RNF214: variants seen among roughly 807,000 people sequenced by gnomAD.
RNF214 encodes the protein ring finger protein 214.
RNF214 carries 25 observed loss-of-function variants against 75.9 expected under a neutral mutation model. The ratio of observed to expected loss-of-function variants is 0.33; its 90% CI spans 0.24 to 0.46. The LOEUF (loss-of-function observed/expected upper bound fraction) is 0.46. Ranked by LOEUF, RNF214 falls within the 20% of genes least tolerant of loss-of-function variation. The pLI is 1.00. For synonymous variants in RNF214, 314 were observed against 308.8 expected (o/e 1.02, Z -0.18); for missense variants, 725 against 857.5 (o/e 0.85, Z 1.93).
intron 6 of RNF214, among the ~76,000 whole-genome samples, chr11:117,248,289 G>A (rs1208679146): frequency 2.6e-5 from 4 of 152,142 alleles, no homozygotes; most frequent in Admixed American, 2.6e-4. Context: ...TGTTAGCCAG[G>A]ATGGTCTCGA....
In RNF214 at chr11:117,283,132, G is replaced by A. The variant is rs1246745999; in HGVS notation, c.1968G>A (p.Lys656=). ...GRSSHAPATC[K]LCLMCQKLVQ... ...TTCTACAGGCTCCAGCCACCTGTAA[G>A]CTATGTCTAATGTGCCAGAAACTCG... The change falls in exon 14 of 15, where the codon AAG becomes AAA. Residue 656 remains lysine (K), a synonymous_variant. Coordinates refer to ENST00000300650, the MANE Select transcript of RNF214 (RefSeq NM_207343.4). 6.2e-7 allele frequency: 1 copy of A among 1,614,018 alleles called. No homozygotes were observed. The highest frequency in any genetic ancestry group is 2.2e-5 in the East Asian group (1 of 44,882).
intron 6 of RNF214, among the ~76,000 whole-genome samples, chr11:117,262,200 C>T (rs981225977): frequency 2.0e-5 from 3 of 151,984 alleles, no homozygotes; most frequent in Admixed American, 6.6e-5. Context: ...CATTCTCCTG[C>T]CTCAGCCTCC....
In RNF214 at chr11:117,280,244, A is replaced by G; in HGVS notation, c.1130A>G (p.His377Arg). Reference sequence around the variant, plus strand: ...GAAGCAGAAAAAGAGGCAGAATTGCACCTTACTTACCTCAAGTAAGTACCT... The same window carrying G: ...GAAGCAGAAAAAGAGGCAGAATTGCGCCTTACTTACCTCAAGTAAGTACCT... ...LEEAEKEAEL[H>R]LTYLKSTPPT... Residue 377 changes from histidine to arginine, a missense_variant, in exon 8 of 15, where the codon CAC (histidine) becomes CGC (arginine). By Grantham distance (29) the His-to-Arg change is conservative (BLOSUM62 0). Transcript: ENST00000300650. 6.2e-7 allele frequency: 1 copy of G among 1,605,192 alleles called. No individual in the cohort carries two copies. Among genetic ancestry groups the G allele is most frequent in the Non-Finnish European group, 8.5e-7 (1 of 1,171,926 alleles).
At chr11:117,271,834 G>C (rs1456821248) in intron 6 of RNF214, among the ~76,000 whole-genome samples, 1 of 152,056 alleles carries the variant, frequency 6.6e-6, no homozygotes, top group African/African-American at 2.4e-5. Context: ...GTTGTATTTT[G>C]TTTTGAGACA....
intron 6 of RNF214, among the ~76,000 whole-genome samples, chr11:117,274,128 C>T (rs1454141633): frequency 6.6e-6 from 1 of 152,084 alleles, no homozygotes; most frequent in Non-Finnish European, 1.5e-5. Context: ...TTTCTCCCCC[C>T]TCTTCTTCCC....
intron 5 of RNF214, among the ~76,000 whole-genome samples, chr11:117,246,441 A>T (rs1396850539): frequency 6.6e-6 from 1 of 152,212 alleles, no homozygotes; most frequent in Non-Finnish European, 1.5e-5. Flanking sequence ...TATTTGTTGG[A>T]TGTAACAGAC....
chr11:117,282,924 G>T, intron 13 of RNF214, 74 bp downstream of exon 13: 4 of 1,219,558 alleles, frequency 3.3e-6, no homozygotes, highest in Non-Finnish European at 4.8e-6. Flanking sequence ...TACAGGTGGA[G>T]TGCAGGAAGA....
chr11:117,239,756 A>T, intron 3 of RNF214, 45 bp from the exon 4 acceptor site: 1 of 1,068,520 alleles, frequency 9.4e-7, no homozygotes, highest in Non-Finnish European at 1.5e-6. Flanking sequence ...TGCCTCTTTT[A>T]AAGTGTCTCT....
In RNF214 at chr11:117,246,667, C is replaced by T. The variant is rs2033233819; in HGVS notation, c.820-142C>T. On this transcript the variant is annotated intron_variant, in intron 5 of 14. Coordinates refer to ENST00000300650, the MANE Select transcript of RNF214 (RefSeq NM_207343.4). ...CTGAATACTGGCTTTTGGAGCTACT[C>T]ATCAACCACATTCTTTCAATTCAAT... The T allele has an allele frequency of 6.1e-6, 5 of 825,062 alleles. No homozygotes were observed. In the East Asian group the frequency reaches 1.3e-4, roughly 21 times the overall value. 51.1% of individuals were successfully genotyped at this position (825,062 alleles called of 1,614,324 possible). A position where few individuals can be genotyped will look rare whatever the true frequency, so the allele number is the denominator to read the frequency against.
intron 6 of RNF214, among the ~76,000 whole-genome samples, chr11:117,264,948 T>G (rs2033762845): frequency 1.3e-5 from 2 of 151,620 alleles, no homozygotes; most frequent in South Asian, 4.2e-4. Flanking sequence ...GTGTCTGTAC[T>G]CCCAGCTACT....
intron 1 of RNF214, 55 bp from the exon 2 acceptor site, chr11:117,234,212 C>T (rs1286843848): frequency 7.9e-7 from 1 of 1,273,490 alleles, no homozygotes; most frequent in South Asian, 1.2e-5. Context: ...GGGAGAGATA[C>T]ATTTGTTTTA....
chr11:117,282,119 C>T lies in RNF214; in HGVS notation c.1561C>T (p.His521Tyr). 6.2e-7 allele frequency: 1 copy of T among 1,614,086 alleles called. No homozygotes were observed. Among genetic ancestry groups the T allele is most frequent in the Non-Finnish European group, 8.5e-7 (1 of 1,179,996 alleles). Residue 521 changes from histidine to tyrosine, a missense_variant, in exon 11 of 15, where the codon CAC becomes TAC. Around this residue, in one of 2 missense-constraint regions of RNF214, gnomAD observed 363 missense variants for 513.0 expected, o/e 0.71. Coordinates refer to ENST00000300650, the MANE Select transcript of RNF214 (RefSeq NM_207343.4). ...TGGCTTGGGTTCCCTTGTCAGCCCC[C>T]ACGGTCCACACATGCCCCCTGCCGC... The part of the protein sequence containing the change: ...SPGLGSLVSP[H>Y]GPHMPPAASI...
intron 9 of RNF214, 53 bp from the exon 10 acceptor site, chr11:117,281,547 T>G: frequency 6.8e-7 from 1 of 1,481,108 alleles, no homozygotes; most frequent in South Asian, 1.1e-5. Flanking sequence ...GGTGCTGTCT[T>G]TCTAGAGAGC....
At chr11:117,264,545 A>C (rs2033752042) in intron 6 of RNF214, among the ~76,000 whole-genome samples, 1 of 152,128 alleles carries the variant, frequency 6.6e-6, no homozygotes, top group Admixed American at 6.6e-5. Flanking sequence ...AATTGTTTTA[A>C]GTTGTATTTT....
chr11:117,236,134 T>C (rs2032903420), intron 2 of RNF214, among the ~76,000 whole-genome samples: 2 of 151,518 alleles, frequency 1.3e-5, no homozygotes, highest in African/African-American at 4.9e-5. Context: ...CTAATTTTTG[T>C]ATTTTTAGTG....
intron 6 of RNF214, among the ~76,000 whole-genome samples, chr11:117,253,164 C>A (rs886914332): frequency 2.0e-5 from 3 of 152,152 alleles, no homozygotes; most frequent in Non-Finnish European, 2.9e-5. Flanking sequence ...AGGTGTGCAC[C>A]ACCATGCCCA....
chr11:117,254,942 C>G (rs533041227), intron 6 of RNF214, among the ~76,000 whole-genome samples: 1 of 152,220 alleles, frequency 6.6e-6, no homozygotes, highest in Admixed American at 6.5e-5. Flanking sequence ...TTCATTCTTA[C>G]ACCTGGGCTG....
intron 7 of RNF214, 54 bp from the exon 8 acceptor site, chr11:117,280,117 T>A: frequency 6.6e-7 from 1 of 1,512,902 alleles, no homozygotes. Flanking sequence ...TACCTAGAGG[T>A]ACCTTTGTGT....
In RNF214 at chr11:117,280,240, T is replaced by C; in HGVS notation, c.1126T>C (p.Leu376=). The C allele has an allele frequency of 6.2e-7, 1 of 1,610,356 alleles. No homozygotes were observed. Among genetic ancestry groups the C allele is most frequent in the Non-Finnish European group, 8.5e-7 (1 of 1,176,568 alleles). The change falls in exon 8 of 15, where the codon TTG becomes CTG. Residue 376 remains leucine, a synonymous_variant. Transcript: ENST00000300650. ...KLEEAEKEAE[L]HLTYLKSTPP... ...AGAAGAAGCAGAAAAAGAGGCAGAA[T>C]TGCACCTTACTTACCTCAAGTAAGT...
Sources: allele counts gnomAD v4.1 joint callset (sites outside exome capture counted in the v4.1 genomes callset), GRCh38; gene constraint gnomAD v4.1.1; regional missense constraint gnomAD v4.1.1; transcripts MANE v1.5; gene names NCBI Gene and HGNC (gene_info 2026-07-23, HGNC 2026-07-21).